Variants in DEFB1 observed in about 807,000 individuals in gnomAD.
DEFB1 encodes beta-defensin 1.
In DEFB1, 4 loss-of-function variants were observed where a neutral mutation model predicts 2.6. That is an observed-to-expected ratio of 1.53 (90% CI 0.76 to 3.51). The LOEUF (loss-of-function observed/expected upper bound fraction) is 3.51, where lower values mean the gene tolerates loss of function less well. DEFB1 is among the 30% of genes most tolerant of loss of function. DEFB1 has a pLI of 0.01. For missense variants in DEFB1, 162 were observed against 76.9 expected (o/e 2.11, Z -4.14); for synonymous variants, 56 against 28.5 (o/e 1.96, Z -3.07).
At position 6,870,757 on chromosome 8, in the gene DEFB1, C is replaced by A. The variant is rs201260899; in HGVS notation, c.131G>T (p.Cys44Phe). 6.2e-7 allele frequency: 1 copy of A among 1,614,228 alleles called. No homozygotes were observed. The highest frequency in any genetic ancestry group is 1.1e-5 in the South Asian group (1 of 91,088). Residue 44 changes from cysteine to phenylalanine, a missense_variant, in exon 2 of 2, where the codon TGT (cysteine) becomes TTT (phenylalanine). Transcript: ENST00000297439. ...AAAGATCGGGCAGGCAGAATAGAGACATTGCCCTCCACTGCTGACGCAATT... is the reference window on the plus strand; with the variant it reads ...AAAGATCGGGCAGGCAGAATAGAGAAATTGCCCTCCACTGCTGACGCAATT... ...HYNCVSSGGQ[C>F]LYSACPIFTK...
intron 1 of DEFB1, among the ~76,000 whole-genome samples, chr8:6,876,483 A>T (rs1806534435): frequency 6.6e-6 from 1 of 151,840 alleles, no homozygotes; most frequent in African/African-American, 2.4e-5. Flanking sequence ...TCTCAAAAAA[A>T]CAAAACAAAA....
chr8:6,876,189 A>C (rs1303202336), intron 1 of DEFB1, among the ~76,000 whole-genome samples: 1 of 152,178 alleles, frequency 6.6e-6, no homozygotes, highest in African/African-American at 2.4e-5. Context: ...CCTTTAAAAA[A>C]ACATGGGCTG....
In DEFB1 at chr8:6,875,619, G is replaced by A. The variant is rs5743448; in HGVS notation, c.61+2178C>T. On this transcript the variant is annotated intron_variant, in intron 1 of 1. Transcript: ENST00000297439. ...TTAAAAATAATTGATGTTATCAAAT[G>A]TTGGCAAGGATACAGAGCAAGAGGA... Among the ~76,000 whole-genome samples the A allele has an allele frequency of 9.0e-3, 1,369 of 152,306 alleles. 29 individuals are homozygous for A. The highest frequency in any genetic ancestry group is 0.031 in the African/African-American group (1,307 of 41,550).
At chr8:6,877,204 G>T (rs562747032) in intron 1 of DEFB1, among the ~76,000 whole-genome samples, 3 of 152,318 alleles carry the variant, frequency 2.0e-5, no homozygotes, top group East Asian at 1.9e-4. Flanking sequence ...GGCTGCTTTG[G>T]CCCAGAGAAG....
intron 1 of DEFB1, among the ~76,000 whole-genome samples, chr8:6,872,134 C>T (rs1447610556): frequency 2.6e-5 from 4 of 152,132 alleles, no homozygotes; most frequent in African/African-American, 9.7e-5. Flanking sequence ...CAAACCTCTT[C>T]ATTCTCCTGT....
At chr8:6,877,774 C>G in intron 1 of DEFB1, 23 bp downstream of exon 1, 2 of 1,609,978 alleles carry the variant, frequency 1.2e-6, no homozygotes, top group Middle Eastern at 1.7e-4. Context: ...GGATGGGAAA[C>G]TCTTGCAGGT....
intron 1 of DEFB1, among the ~76,000 whole-genome samples, chr8:6,872,737 T>A (rs1043455225): frequency 6.6e-6 from 1 of 152,234 alleles, no homozygotes; most frequent in African/African-American, 2.4e-5. Context: ...ATTCTTTTTC[T>A]CTGACTGATT....
At chr8:6,877,344 C>T (rs369358722) in intron 1 of DEFB1, among the ~76,000 whole-genome samples, 4 of 152,226 alleles carry the variant, frequency 2.6e-5, no homozygotes, top group African/African-American at 9.6e-5. Context: ...GTCCAAGGCA[C>T]CGGCTGAGCT....
At position 6,870,605 on chromosome 8, in the gene DEFB1, C is replaced by A; in HGVS notation, c.*76G>T. 4 of 1,558,596 alleles carry A rather than the reference C, an allele frequency of 2.6e-6. No homozygotes were observed. Among genetic ancestry groups the A allele is most frequent in the East Asian group, 2.2e-5 (1 of 44,532 alleles). The stretch of plus-strand genomic sequence containing the variant: ...GCCCAAAGGAGGTATACTTCAAAAG[C>A]AATTTTCCTTTATTAAAAGAATGCT... On this transcript the variant is annotated 3_prime_UTR_variant, in exon 2 of 2. Transcript: ENST00000297439.
intron 1 of DEFB1, among the ~76,000 whole-genome samples, chr8:6,872,309 C>G (rs985984147): frequency 1.3e-5 from 2 of 152,224 alleles, no homozygotes; most frequent in African/African-American, 2.4e-5. Flanking sequence ...CTCCCTGTGG[C>G]TGTTCTCTTT....
At chr8:6,871,697 A>G (rs1019347700) in intron 1 of DEFB1, among the ~76,000 whole-genome samples, 1 of 152,192 alleles carries the variant, frequency 6.6e-6, no homozygotes, top group Admixed American at 6.5e-5. Flanking sequence ...GCATCCTTAT[A>G]AGAAGAGATT....
intron 1 of DEFB1, among the ~76,000 whole-genome samples, chr8:6,871,585 C>G (rs763555411): frequency 6.6e-6 from 1 of 152,158 alleles, no homozygotes; most frequent in Non-Finnish European, 1.5e-5. Context: ...TGTCGAAGCC[C>G]TAACAGTGCC....
At chr8:6,871,254 C>A (rs1485433293) in intron 1 of DEFB1, among the ~76,000 whole-genome samples, 1 of 152,186 alleles carries the variant, frequency 6.6e-6, no homozygotes, top group African/African-American at 2.4e-5. Context: ...TACGCTGTTC[C>A]CTCTGCCTTG....
intron 1 of DEFB1, among the ~76,000 whole-genome samples, chr8:6,874,138 C>T (rs1192474181): frequency 2.0e-4 from 13 of 64,338 alleles, no homozygotes; most frequent in Admixed American, 3.2e-4. Context: ...CACACACACA[C>T]ACACACACGC....
chr8:6,872,894 G>A (rs781599954), intron 1 of DEFB1, among the ~76,000 whole-genome samples: 1 of 152,178 alleles, frequency 6.6e-6, no homozygotes, highest in African/African-American at 2.4e-5. Context: ...GTGCTGGAAA[G>A]ATACTTAGAG....
intron 1 of DEFB1, among the ~76,000 whole-genome samples, chr8:6,874,106 G>C (rs1215361540): frequency 1.3e-5 from 2 of 149,718 alleles, no homozygotes; most frequent in Non-Finnish European, 3.0e-5. Flanking sequence ...AGAACAGCTA[G>C]AATATCTGAC....
intron 1 of DEFB1, among the ~76,000 whole-genome samples, chr8:6,874,994 A>G (rs1245229833): frequency 1.4e-5 from 2 of 144,082 alleles, no homozygotes; most frequent in African/African-American, 2.6e-5. Context: ...AAAAAAAAAA[A>G]GTTGGTTCTG....
intron 1 of DEFB1, among the ~76,000 whole-genome samples, chr8:6,871,299 C>G (rs1584997291): frequency 6.6e-6 from 1 of 152,190 alleles, no homozygotes; most frequent in Admixed American, 6.5e-5. Flanking sequence ...ATCACTATTT[C>G]AGCTGAAATC....
chr8:6,877,073 C>T (rs887078032), intron 1 of DEFB1, among the ~76,000 whole-genome samples: 1 of 152,170 alleles, frequency 6.6e-6, no homozygotes, highest in Non-Finnish European at 1.5e-5. Flanking sequence ...TTCCCAGCCC[C>T]TCATTCTGCA....
Sources: gnomAD v4.1 joint callset for allele counts (sites outside exome capture counted in the v4.1 genomes callset) on GRCh38, gnomAD v4.1.1 for gene constraint, MANE v1.5 for transcripts, NCBI Gene and HGNC (gene_info 2026-07-23, HGNC 2026-07-21) for gene names.